Variants in CAMKMT observed in about 807,000 individuals in gnomAD.
CAMKMT encodes CaM KMT.
A neutral mutation model predicts 48.0 loss-of-function variants in CAMKMT; 53 were observed. The observed-to-expected ratio is 1.10, with a 90% CI of 0.89 to 1.39. The LOEUF is 1.39. CAMKMT is among the 40% of genes most tolerant of loss of function. The pLI is 0.00. For synonymous variants in CAMKMT, 165 were observed against 152.3 expected (o/e 1.08, Z -0.61); for missense variants, 428 against 402.7 (o/e 1.06, Z -0.54).
chr2:44,497,284 ATAG>A (rs1429637645), intron 3 of CAMKMT, among the ~76,000 whole-genome samples: 2 of 152,202 alleles, frequency 1.3e-5, no homozygotes, highest in African/African-American at 2.4e-5. Flanking sequence ...AGAAAAATAA[ATAG>A]TGTAGATTGG....
chr2:44,710,295 T>G (rs982332505), intron 6 of CAMKMT, among the ~76,000 whole-genome samples: 4 of 152,190 alleles, frequency 2.6e-5, no homozygotes, highest in Non-Finnish European at 5.9e-5. Context: ...TCTTGAGTTT[T>G]CCAACTTGAC....
intron 3 of CAMKMT, among the ~76,000 whole-genome samples, chr2:44,588,676 C>T (rs1383410354): frequency 1.3e-4 from 6 of 44,628 alleles, no homozygotes; most frequent in Admixed American, 4.6e-4. Flanking sequence ...CCCGGCCAGC[C>T]GCCCAGTCCG....
chr2:44,494,857 C>G (rs78888269), intron 3 of CAMKMT, among the ~76,000 whole-genome samples: 1,970 of 152,302 alleles, frequency 0.013, 18 homozygotes, highest in Non-Finnish European at 0.016. Flanking sequence ...GTGCCTGCCA[C>G]TCTGTGAAGC....
intron 3 of CAMKMT, among the ~76,000 whole-genome samples, chr2:44,469,590 A>G (rs189990206): frequency 4.0e-5 from 6 of 151,838 alleles, no homozygotes; most frequent in Non-Finnish European, 7.4e-5. Flanking sequence ...ACTTTATCTC[A>G]TGTTTATAAT....
intron 7 of CAMKMT, among the ~76,000 whole-genome samples, chr2:44,715,609 A>G (rs1159624849): frequency 6.6e-6 from 1 of 152,198 alleles, no homozygotes; most frequent in Non-Finnish European, 1.5e-5. Context: ...GGGATGATTT[A>G]TGATTATACA....
chr2:44,441,295 C>G (rs1666641468), intron 3 of CAMKMT, among the ~76,000 whole-genome samples: 1 of 152,042 alleles, frequency 6.6e-6, no homozygotes, highest in South Asian at 2.1e-4. Flanking sequence ...GGTTTTTTGA[C>G]CTTTAAATTG....
intron 3 of CAMKMT, among the ~76,000 whole-genome samples, chr2:44,520,540 A>G (rs1363470830): frequency 2.6e-5 from 4 of 152,184 alleles, no homozygotes; most frequent in Non-Finnish European, 4.4e-5. Flanking sequence ...CTATTAAGTG[A>G]TGGTCATGGT....
chr2:44,700,351 G>A (rs965464166), intron 3 of CAMKMT, among the ~76,000 whole-genome samples: 1 of 152,174 alleles, frequency 6.6e-6, no homozygotes, highest in African/African-American at 2.4e-5. Context: ...GTTCCTTCAA[G>A]AACTTTTCTT....
At chr2:44,525,241 G>T (rs561001713) in intron 3 of CAMKMT, among the ~76,000 whole-genome samples, 1 of 151,976 alleles carries the variant, frequency 6.6e-6, no homozygotes, top group Non-Finnish European at 1.5e-5. Context: ...TTATAAAATT[G>T]TCCTAAAATT....
chr2:44,568,844 T>C (rs908721410), intron 3 of CAMKMT, among the ~76,000 whole-genome samples: 1 of 152,134 alleles, frequency 6.6e-6, no homozygotes, highest in Non-Finnish European at 1.5e-5. Flanking sequence ...CTGTGGAGGC[T>C]AGTGCGGAAG....
chr2:44,605,613 A>G (rs1305204034), intron 3 of CAMKMT, among the ~76,000 whole-genome samples: 3 of 152,180 alleles, frequency 2.0e-5, no homozygotes, highest in Non-Finnish European at 4.4e-5. Flanking sequence ...TTTAAGAATC[A>G]AAAAGAACTG....
intron 3 of CAMKMT, among the ~76,000 whole-genome samples, chr2:44,400,441 CACCACTCT>C (rs1682259074): frequency 6.6e-6 from 1 of 152,070 alleles, no homozygotes; most frequent in East Asian, 1.9e-4. Context: ...CCTTGGCACT[CACCACTCT>C]ACCCATGGAC....
chr2:44,727,631 C>T lies in CAMKMT; in HGVS notation c.623+12278C>T, dbSNP rs1170164233. ...TCTTTGCTAATTGTTCTGCCTAGAA[C>T]TTCTAGTACTATATTGAATAGGAGT... On this transcript the variant is annotated intron_variant, in intron 7 of 10. Transcript: ENST00000378494. 3.9e-5 allele frequency among the ~76,000 whole-genome samples: 6 copies of T among 152,138 alleles called. No individual in the cohort carries two copies. In the East Asian group the frequency reaches 1.2e-3, roughly 29 times the overall value.
chr2:44,396,364 T>C (rs997802213), intron 3 of CAMKMT, among the ~76,000 whole-genome samples: 2 of 152,162 alleles, frequency 1.3e-5, no homozygotes, highest in African/African-American at 4.8e-5. Context: ...CAGATGAAGA[T>C]GTATTTTCTT....
At chr2:44,658,625 C>G (rs1674507516) in intron 3 of CAMKMT, among the ~76,000 whole-genome samples, 1 of 152,208 alleles carries the variant, frequency 6.6e-6, no homozygotes, top group Non-Finnish European at 1.5e-5. Context: ...CGTAGACAAT[C>G]TATCTACCCT....
intron 3 of CAMKMT, among the ~76,000 whole-genome samples, chr2:44,552,108 T>C (rs982486828): frequency 1.3e-5 from 2 of 152,156 alleles, no homozygotes; most frequent in African/African-American, 4.8e-5. Context: ...TACATTGTTT[T>C]ACCCATTAGG....
Position 44,433,525 on chromosome 2 carries a change from C to T in CAMKMT, c.376+43220C>T, listed in dbSNP as rs190536215. ...TTATAAGAAAAATGGAAGTGTCTGA[C>T]ATTATGAGAATTTGTAACACTTTTT... On this transcript the variant is annotated intron_variant, in intron 3 of 10. Transcript: ENST00000378494. Among the ~76,000 whole-genome samples, 9 of 152,014 alleles carry T rather than the reference C, an allele frequency of 5.9e-5. No individual in the cohort carries two copies. The East Asian group carries it at 1.5e-3, about 26-fold the overall frequency.
chr2:44,609,653 A>G (rs1230857816), intron 3 of CAMKMT, among the ~76,000 whole-genome samples: 2 of 152,192 alleles, frequency 1.3e-5, no homozygotes, highest in African/African-American at 2.4e-5. Flanking sequence ...TTGCAATTTT[A>G]TAGGATTTGA....
chr2:44,587,739 C>T (rs1219628347), intron 3 of CAMKMT, among the ~76,000 whole-genome samples: 1 of 133,786 alleles, frequency 7.5e-6, no homozygotes, highest in Non-Finnish European at 1.6e-5. Context: ...CTCGGCCTCC[C>T]GAGGTGCTGG....
Sources: allele counts gnomAD v4.1 joint callset (sites outside exome capture counted in the v4.1 genomes callset), GRCh38; gene constraint gnomAD v4.1.1; transcripts MANE v1.5; gene names NCBI Gene and HGNC (gene_info 2026-07-23, HGNC 2026-07-21).